Variants in CHD7 observed in about 807,000 individuals in gnomAD.
CHD7 encodes ATP-dependent chromatin remodeler CHD7.
Under a neutral mutation model 307.3 loss-of-function variants are expected in CHD7, and 24 were observed. The observed-to-expected ratio is 0.08, with a 90% CI of 0.06 to 0.11. The LOEUF is 0.11. Ranked by LOEUF, CHD7 falls within the 10% of genes least tolerant of loss-of-function variation. The pLI is 1.00. For synonymous variants in CHD7, 1,363 were observed against 1,349.9 expected (o/e 1.01, Z -0.21); for missense variants, 3,106 against 3,727.1 (o/e 0.83, Z 4.34).
intron 23 of CHD7, 74 bp from the exon 24 acceptor site, chr8:60,848,441 C>A: frequency 1.0e-6 from 1 of 970,752 alleles, no homozygotes; most frequent in Non-Finnish European, 1.6e-6. Context: ...TGAACAGCAG[C>A]AGCTGCCAAA....
intron 3 of CHD7, among the ~76,000 whole-genome samples, chr8:60,792,636 A>C (rs1440299325): frequency 6.6e-6 from 1 of 152,218 alleles, no homozygotes; most frequent in Non-Finnish European, 1.5e-5. Context: ...GGAAGGGCAG[A>C]TGGAAAATCA....
At chr8:60,709,092 C>T (rs1807159770) in intron 1 of CHD7, among the ~76,000 whole-genome samples, 1 of 152,188 alleles carries the variant, frequency 6.6e-6, no homozygotes, top group South Asian at 2.1e-4. Context: ...TATCTACGTT[C>T]CTGTTTTCTT....
intron 4 of CHD7, 54 bp downstream of exon 4, chr8:60,795,181 A>G: frequency 6.3e-7 from 1 of 1,575,780 alleles, no homozygotes; most frequent in Non-Finnish European, 8.7e-7. Flanking sequence ...GGGTAACTTT[A>G]GCCATGTATG....
At chr8:60,812,784 A>G (rs1016534644) in intron 7 of CHD7, among the ~76,000 whole-genome samples, 7 of 149,824 alleles carry the variant, frequency 4.7e-5, no homozygotes, top group Non-Finnish European at 8.9e-5. Flanking sequence ...TCTGTACTTT[A>G]TGCCTTTGAA....
chr8:60,801,516 CT>C lies in CHD7; in HGVS notation c.2377-3del, dbSNP rs752271550. ...TTTCTATTTGGATTGATGCACATGCCTTTTTTTTTAGGAATCTGTTGATGCA... is the reference window on the plus strand; with the variant it reads ...TTTCTATTTGGATTGATGCACATGCCTTTTTTTTAGGAATCTGTTGATGCA... On this transcript the variant is annotated splice_polypyrimidine_tract_variant and intron_variant, in intron 5 of 37. Transcript: ENST00000423902. 2.9e-4 allele frequency: 439 copies of C among 1,512,270 alleles called. No homozygotes were observed. Among genetic ancestry groups the C allele is most frequent in the Admixed American group, 4.3e-4 (22 of 50,780 alleles). The allele number at this position is 1,512,270 out of a possible 1,614,324, so 93.7% of individuals were successfully genotyped here. A position where few individuals can be genotyped will look rare whatever the true frequency, so the allele number is the denominator to read the frequency against.
At chr8:60,862,480 G>A in intron 36 of CHD7, 68 bp from the exon 37 acceptor site, 2 of 1,479,662 alleles carry the variant, frequency 1.4e-6, no homozygotes, top group Non-Finnish European at 9.2e-7. Context: ...AGAAGGGGGA[G>A]GGAGTAGATT....
chr8:60,856,025 A>G lies in CHD7; in HGVS notation c.6987A>G (p.Lys2329=). Reference sequence around the variant, plus strand: ...ACAACATCTGTGAAGCAGTGTTGAAAGGCAAATGGCCAGTAAATAGGCGCC... The same window carrying G: ...ACAACATCTGTGAAGCAGTGTTGAAGGGCAAATGGCCAGTAAATAGGCGCC... ...RLDNICEAVL[K]GKWPVNRRQM... Residue 2329 remains lysine (K), a synonymous_variant, in exon 33 of 38, where the codon AAA becomes AAG. Transcript: ENST00000423902. 1 of 1,611,710 alleles carries G rather than the reference A, an allele frequency of 6.2e-7. No individual in the cohort carries two copies. Among genetic ancestry groups the G allele is most frequent in the Non-Finnish European group, 8.5e-7 (1 of 1,178,840 alleles).
chr8:60,748,868 A>G (rs1015290645), intron 2 of CHD7, among the ~76,000 whole-genome samples: 3 of 152,116 alleles, frequency 2.0e-5, no homozygotes, highest in Non-Finnish European at 2.9e-5. Context: ...CGGAAGTAGA[A>G]AAAAAATTTA....
intron 2 of CHD7, among the ~76,000 whole-genome samples, chr8:60,754,930 C>T (rs1040824957): frequency 2.6e-5 from 4 of 152,192 alleles, no homozygotes; most frequent in Admixed American, 2.6e-4. Context: ...TTTAAACTTA[C>T]AAGTACCTTA....
At chr8:60,719,697 C>CA in intron 1 of CHD7, among the ~76,000 whole-genome samples, 1 of 152,090 alleles carries the variant, frequency 6.6e-6, no homozygotes, top group East Asian at 1.9e-4. Flanking sequence ...ATTCGGCAGG[C>CA]AGTGAAGCTC....
intron 13 of CHD7, among the ~76,000 whole-genome samples, chr8:60,827,578 T>C (rs1290098985): frequency 6.6e-6 from 1 of 152,192 alleles, no homozygotes; most frequent in East Asian, 1.9e-4. Flanking sequence ...ATCCTTACTG[T>C]TTATGAATTT....
At chr8:60,681,840 T>G (rs1182948805) in intron 1 of CHD7, among the ~76,000 whole-genome samples, 1 of 152,210 alleles carries the variant, frequency 6.6e-6, no homozygotes, top group Non-Finnish European at 1.5e-5. Context: ...CATGATGAAT[T>G]GTATCCTGGG....
chr8:60,697,727 G>GGT (rs1332296149), intron 1 of CHD7, among the ~76,000 whole-genome samples: 2 of 152,108 alleles, frequency 1.3e-5, no homozygotes, highest in Non-Finnish European at 2.9e-5. Context: ...TTTTCAATTT[G>GGT]GTGTATGGAA....
intron 1 of CHD7, among the ~76,000 whole-genome samples, chr8:60,698,266 C>T (rs924113371): frequency 2.6e-5 from 4 of 152,204 alleles, no homozygotes; most frequent in Non-Finnish European, 5.9e-5. Flanking sequence ...GAAGGACCCC[C>T]TTTACCTTTC....
chr8:60,692,270 A>G (rs1053992157), intron 1 of CHD7, among the ~76,000 whole-genome samples: 1 of 152,236 alleles, frequency 6.6e-6, no homozygotes, highest in Non-Finnish European at 1.5e-5. Flanking sequence ...AAGATGGATG[A>G]CTGATTAAGC....
intron 1 of CHD7, among the ~76,000 whole-genome samples, chr8:60,684,092 T>G (rs527678776): frequency 1.3e-5 from 2 of 152,328 alleles, no homozygotes; most frequent in African/African-American, 2.4e-5. Context: ...AGGATTTTTT[T>G]GGGGTTTCTG....
At chr8:60,833,891 A>G (rs977410211) in intron 15 of CHD7, among the ~76,000 whole-genome samples, 2 of 152,186 alleles carry the variant, frequency 1.3e-5, no homozygotes, top group African/African-American at 4.8e-5. Flanking sequence ...CTTTCCTTCA[A>G]TGTTGCCACA....
chr8:60,820,144 T>A, intron 9 of CHD7, 54 bp downstream of exon 9: 3 of 1,162,026 alleles, frequency 2.6e-6, no homozygotes, highest in Non-Finnish European at 3.8e-6. Flanking sequence ...CCCATACATG[T>A]TTATAGAGAA....
chr8:60,716,172 T>C (rs1160927707), intron 1 of CHD7, among the ~76,000 whole-genome samples: 3 of 152,178 alleles, frequency 2.0e-5, no homozygotes, highest in Non-Finnish European at 4.4e-5. Context: ...CGGGTCCAAG[T>C]GGCCTTTTTT....
Sources: allele counts gnomAD v4.1 joint callset (sites outside exome capture counted in the v4.1 genomes callset), GRCh38; gene constraint gnomAD v4.1.1; transcripts MANE v1.5; gene names NCBI Gene and HGNC (gene_info 2026-07-23, HGNC 2026-07-21).